SLC16A12: variants seen among roughly 807,000 people sequenced by gnomAD.
SLC16A12 encodes the protein solute carrier family 16 member 12, also known as monocarboxylate transporter 12.
Under a neutral mutation model 42.4 loss-of-function variants are expected in SLC16A12, and 17 were observed. The observed-to-expected ratio is 0.40, with a 90% CI of 0.27 to 0.60. The LOEUF (loss-of-function observed/expected upper bound fraction) is 0.60. Among genes scored for constraint, SLC16A12 ranks in the 20% least tolerant of loss-of-function variants. The probability of loss-of-function intolerance (pLI) is 0.42; values close to 1 mark genes in which losing one functional copy is unlikely to be tolerated. For synonymous variants in SLC16A12, 224 were observed against 229.4 expected, an observed-to-expected ratio of 0.98 and a Z score of 0.21; for missense variants, 544 against 623.0, an observed-to-expected ratio of 0.87 and a Z score of 1.35.
chr10:89,442,695 G>A (rs1416737707), intron 4 of SLC16A12, among the ~76,000 whole-genome samples: 2 of 152,146 alleles, frequency 1.3e-5, no homozygotes, highest in African/African-American at 2.4e-5. Context: ...GCCTTCTCAT[G>A]AAACCTGCTT....
chr10:89,464,529 T>C (rs941076538), intron 2 of SLC16A12, among the ~76,000 whole-genome samples: 1 of 152,206 alleles, frequency 6.6e-6, no homozygotes, highest in African/African-American at 2.4e-5. Flanking sequence ...CTGGACGAAA[T>C]ATTAACATTA....
intron 2 of SLC16A12, among the ~76,000 whole-genome samples, chr10:89,502,853 C>T (rs1265651480): frequency 1.3e-5 from 2 of 152,212 alleles, no homozygotes; most frequent in Non-Finnish European, 2.9e-5. Flanking sequence ...AGGCTTCCAT[C>T]TGTCCAAGGA....
At chr10:89,502,225 C>A (rs1842999848) in intron 2 of SLC16A12, among the ~76,000 whole-genome samples, 1 of 151,914 alleles carries the variant, frequency 6.6e-6, no homozygotes, top group Admixed American at 6.6e-5. Flanking sequence ...CCAAGGTGGG[C>A]AGATCATGAG....
chr10:89,546,087 C>T (rs955025339), intron 2 of SLC16A12, among the ~76,000 whole-genome samples: 11 of 151,956 alleles, frequency 7.2e-5, no homozygotes, highest in African/African-American at 2.4e-4. Flanking sequence ...CCATAAAAAC[C>T]CTAGAAGAAA....
chr10:89,511,114 G>A (rs1235292780), intron 2 of SLC16A12, among the ~76,000 whole-genome samples: 8 of 152,152 alleles, frequency 5.3e-5, no homozygotes, highest in South Asian at 4.1e-4. Flanking sequence ...AAATAGAAAC[G>A]CTTTTACACT....
At chr10:89,532,660 T>C (rs185723923) in intron 2 of SLC16A12, among the ~76,000 whole-genome samples, 1 of 152,338 alleles carries the variant, frequency 6.6e-6, no homozygotes, top group East Asian at 1.9e-4. Flanking sequence ...CTGAATACTT[T>C]TCTTTGGCTG....
intron 2 of SLC16A12, among the ~76,000 whole-genome samples, chr10:89,494,940 A>C (rs954214707): frequency 6.6e-6 from 1 of 152,238 alleles, no homozygotes; most frequent in Non-Finnish European, 1.5e-5. Context: ...TAGCAGATAC[A>C]GCGGAAGTAG....
At position 89,518,768 on chromosome 10, in the gene SLC16A12, C is replaced by G. The variant is rs541031282; in HGVS notation, c.-47+15733G>C. Among the ~76,000 whole-genome samples the G allele has an allele frequency of 7.2e-5, 11 of 152,264 alleles. No homozygotes were observed. The South Asian group carries it at 1.7e-3, about 23-fold the overall frequency. On this transcript the variant is annotated intron_variant, in intron 2 of 7. Transcript: ENST00000371790. ...TCTGAGGCCCAGCCCCCAAAGAGCA[C>G]TCTCTTTCCACCTACCCAACAATCC...
At chr10:89,520,402 T>C (rs935215328) in intron 2 of SLC16A12, among the ~76,000 whole-genome samples, 8 of 152,174 alleles carry the variant, frequency 5.3e-5, no homozygotes, top group Non-Finnish European at 1.0e-4. Flanking sequence ...ACAGGTCCCA[T>C]GGTCACTAAG....
At chr10:89,554,029 AAAGG>A (rs1404150160) in intron 2 of SLC16A12, among the ~76,000 whole-genome samples, 5 of 127,844 alleles carry the variant, frequency 3.9e-5, no homozygotes, top group African/African-American at 6.0e-5. Flanking sequence ...AGAAAGAGAG[AAAGG>A]AAGAAAGAAA....
intron 6 of SLC16A12, among the ~76,000 whole-genome samples, chr10:89,436,769 T>C (rs1311479223): frequency 8.6e-6 from 1 of 116,756 alleles, no homozygotes; most frequent in Non-Finnish European, 1.7e-5. Context: ...ACACTAATGA[T>C]AGCTGATGAA....
chr10:89,493,392 T>G (rs1436538551), intron 2 of SLC16A12, among the ~76,000 whole-genome samples: 1 of 152,122 alleles, frequency 6.6e-6, no homozygotes, highest in Non-Finnish European at 1.5e-5. Context: ...CCGGCTAATT[T>G]TTGTATTATT....
chr10:89,452,192 A>G (rs1177241681), intron 3 of SLC16A12, among the ~76,000 whole-genome samples: 1 of 152,232 alleles, frequency 6.6e-6, no homozygotes, highest in Non-Finnish European at 1.5e-5. Context: ...CTGACTCATC[A>G]ATAAGCTGAA....
At position 89,441,121 on chromosome 10, in the gene SLC16A12, C is replaced by T; in HGVS notation, c.435G>A (p.Leu145=). The T allele has an allele frequency of 1.2e-6, 2 of 1,613,852 alleles. No homozygotes were observed. The highest frequency in any genetic ancestry group is 1.7e-6 in the Non-Finnish European group (2 of 1,179,810). The change falls in exon 5 of 8, where the codon CTG becomes CTA. Residue 145 remains leucine, a synonymous_variant. Coordinates refer to ENST00000371790, the MANE Select transcript of SLC16A12 (RefSeq NM_213606.4). ...AAGTGCCCTTACCTGTAAGAACTCC[C>T]AGAGTGAGGTAGAGATGCTTCAGAC... ...ATSLKHLYLT[L]GVLTGLGFAL... is the part of the protein sequence containing the mutation.
At chr10:89,481,085 C>T (rs899541701) in intron 2 of SLC16A12, among the ~76,000 whole-genome samples, 7 of 152,108 alleles carry the variant, frequency 4.6e-5, no homozygotes, top group African/African-American at 1.7e-4. Flanking sequence ...TGTATCAGCA[C>T]ACAAAAATGC....
At chr10:89,551,869 C>G (rs1296378091) in intron 2 of SLC16A12, among the ~76,000 whole-genome samples, 1 of 152,190 alleles carries the variant, frequency 6.6e-6, no homozygotes, top group Non-Finnish European at 1.5e-5. Context: ...TTATCAGCAG[C>G]ATGAAAACAA....
chr10:89,515,129 CAAAA>C (rs58069790), intron 2 of SLC16A12, among the ~76,000 whole-genome samples: 4,279 of 65,062 alleles, frequency 0.066, 199 homozygotes, highest in African/African-American at 0.2. Flanking sequence ...CAAAACAAAA[CAAAA>C]AAAAAAGAAA....
chr10:89,455,825 A>C (rs1263437262), intron 3 of SLC16A12, among the ~76,000 whole-genome samples: 1 of 152,174 alleles, frequency 6.6e-6, no homozygotes, highest in Non-Finnish European at 1.5e-5. Context: ...TTATCTCTAA[A>C]ATTAGCATTT....
intron 2 of SLC16A12, among the ~76,000 whole-genome samples, chr10:89,472,259 C>A (rs1842506848): frequency 6.6e-6 from 1 of 150,526 alleles, no homozygotes; most frequent in Non-Finnish European, 1.5e-5. Context: ...GAAATAGATT[C>A]AACACAACAT....
Sources: gnomAD v4.1 joint callset for allele counts (sites outside exome capture counted in the v4.1 genomes callset) on GRCh38, gnomAD v4.1.1 for gene constraint, MANE v1.5 for transcripts, NCBI Gene and HGNC (gene_info 2026-07-23, HGNC 2026-07-21) for gene names.